LRRC31: variants seen among roughly 807,000 people sequenced by gnomAD.
LRRC31 encodes the protein leucine rich repeat containing 31.
A neutral mutation model predicts 46.7 loss-of-function variants in LRRC31; 35 were observed. That is an observed-to-expected ratio of 0.75 (90% confidence interval 0.57 to 0.99). The LOEUF is 0.99. Ranked by LOEUF, LRRC31 falls within the 50% of genes least tolerant of loss-of-function variation. The pLI is 0.00. For missense variants in LRRC31, 613 were observed against 626.1 expected, an observed-to-expected ratio of 0.98 and a Z score of 0.22; for synonymous variants, 236 against 235.1, an observed-to-expected ratio of 1.00 and a Z score of -0.03.
chr3:169,859,958 C>G (rs1471073914), intron 3 of LRRC31, among the ~76,000 whole-genome samples: 1 of 151,890 alleles, frequency 6.6e-6, no homozygotes, highest in African/African-American at 2.4e-5. Flanking sequence ...GCCTGGCCAA[C>G]ATGGTGAAAC....
At chr3:169,864,452 G>A (rs1411866553) in intron 1 of LRRC31, among the ~76,000 whole-genome samples, 1 of 152,212 alleles carries the variant, frequency 6.6e-6, no homozygotes, top group Non-Finnish European at 1.5e-5. Context: ...TCACAGGTCT[G>A]TCTGAGGAAC....
intron 5 of LRRC31, among the ~76,000 whole-genome samples, chr3:169,856,026 G>T (rs1014494188): frequency 7.9e-5 from 12 of 151,744 alleles, no homozygotes; most frequent in Non-Finnish European, 1.8e-4. Context: ...GATTACAGGC[G>T]CACGTACCAC....
At chr3:169,857,105 G>A (rs75106922) in intron 3 of LRRC31, among the ~76,000 whole-genome samples, 2,324 of 151,884 alleles carry the variant, frequency 0.015, 60 homozygotes, top group African/African-American at 0.053. Flanking sequence ...GAAGCCATGC[G>A]TATGAGCTAA....
chr3:169,860,610 G>A lies in LRRC31; in HGVS notation c.438C>T (p.Ile146=). ...QQMHLVSKLK[I]LRLGSCRLTT... Reference sequence around the variant, plus strand: ...TGAGTCTGCAGCTACCCAGCCTCAAGATTTTTAACTTGCTGACCAGATGCA... The same window carrying A: ...TGAGTCTGCAGCTACCCAGCCTCAAAATTTTTAACTTGCTGACCAGATGCA... The change falls in exon 3 of 9, where the codon ATC becomes ATT. Residue 146 remains isoleucine (I), a synonymous_variant. Transcript: ENST00000316428. 1 of 1,614,160 alleles carries A rather than the reference G, an allele frequency of 6.2e-7. No individual in the cohort carries two copies. The highest frequency in any genetic ancestry group is 8.5e-7 in the Non-Finnish European group (1 of 1,180,016).
Position 169,840,115 on chromosome 3 carries a change from A to G in LRRC31, c.1526T>C (p.Val509Ala). The change falls in exon 9 of 9, where the codon GTG becomes GCG. Residue 509 changes from valine (V) to alanine (A), a missense_variant. Coordinates refer to ENST00000316428, the MANE Select transcript of LRRC31 (RefSeq NM_024727.4). ...CTCAGTGATCTGAGGAAGCTTGGTC[A>G]CAGCATATAACAAGTGTCTAAACCA... ...GQWFRHLLYA[V>A]TKLPQITEIG... The G allele has an allele frequency of 1.2e-6, 2 of 1,614,108 alleles. No homozygotes were observed. Among genetic ancestry groups the G allele is most frequent in the Non-Finnish European group, 1.7e-6 (2 of 1,179,998 alleles).
In LRRC31 at chr3:169,862,443, T is replaced by C. The variant is rs551200213; in HGVS notation, c.176-630A>G. On this transcript the variant is annotated intron_variant, in intron 1 of 8. Transcript: ENST00000316428. ...TTAGGGACTACTGTGGCACCCTCAC[T>C]AGCTTCCTCTGTAATAACACTGTAA... Among the ~76,000 whole-genome samples the C allele has an allele frequency of 1.2e-3, 190 of 152,296 alleles. 3 individuals carry two copies. The highest frequency in any genetic ancestry group is 4.4e-3 in the African/African-American group (183 of 41,574).
intron 1 of LRRC31, among the ~76,000 whole-genome samples, chr3:169,864,683 A>G (rs1192130972): frequency 2.0e-5 from 3 of 152,244 alleles, no homozygotes; most frequent in East Asian, 1.9e-4. Flanking sequence ...ATAAATCATC[A>G]TGATAAATCT....
chr3:169,856,515 G>T lies in LRRC31; in HGVS notation c.656-12C>A. ...AGGTAGCAGTTGACCTAGAAGGAAAGAAATCCAAATAAGAAGGGTAGGTAG... is the reference window on the plus strand; with the variant it reads ...AGGTAGCAGTTGACCTAGAAGGAAATAAATCCAAATAAGAAGGGTAGGTAG... On this transcript the variant is annotated splice_polypyrimidine_tract_variant and intron_variant, in intron 4 of 8. Coordinates refer to ENST00000316428, the MANE Select transcript of LRRC31 (RefSeq NM_024727.4). 6.3e-7 allele frequency: 1 copy of T among 1,585,074 alleles called. No individual in the cohort carries two copies. Among genetic ancestry groups the T allele is most frequent in the Non-Finnish European group, 8.6e-7 (1 of 1,167,354 alleles).
intron 3 of LRRC31, among the ~76,000 whole-genome samples, chr3:169,857,415 C>CATATATATATATAT (rs1553924970): frequency 7.1e-5 from 7 of 98,688 alleles, no homozygotes; most frequent in African/African-American, 2.5e-4. Context: ...TATACATATA[C>CATATATATATATAT]ATATATATAT....
intron 8 of LRRC31, 143 bp downstream of exon 8, chr3:169,847,977 G>A (rs968252078): frequency 1.7e-5 from 12 of 702,936 alleles, no homozygotes; most frequent in African/African-American, 5.3e-5. Flanking sequence ...TAGACCTCTC[G>A]GCAGATGTTG....
chr3:169,865,956 A>G (rs1306361432), intron 1 of LRRC31, among the ~76,000 whole-genome samples: 3 of 152,146 alleles, frequency 2.0e-5, no homozygotes, highest in African/African-American at 7.2e-5. Flanking sequence ...GGGAATTATA[A>G]GTAAATCAGA....
intron 1 of LRRC31, among the ~76,000 whole-genome samples, chr3:169,864,938 G>A (rs759781398): frequency 3.3e-5 from 5 of 152,170 alleles, no homozygotes; most frequent in African/African-American, 7.2e-5. Context: ...TTTGCCAGGC[G>A]TACTGGCATG....
chr3:169,851,878 G>T, intron 6 of LRRC31, 92 bp from the exon 7 acceptor site: 1 of 1,299,974 alleles, frequency 7.7e-7, no homozygotes, highest in Non-Finnish European at 1.1e-6. Flanking sequence ...TAATCTGTCA[G>T]TCAATACAGC....
intron 6 of LRRC31, chr3:169,853,282 G>C (rs1560626776): frequency 2.5e-5 from 25 of 984,956 alleles, no homozygotes; most frequent in Non-Finnish European, 2.9e-5. Flanking sequence ...TCGGATAAAA[G>C]AATGTTCAAT....
rs368562725 is a variant in LRRC31 at position 169,860,689 on chromosome 3, T to A, written c.359A>T (p.Asp120Val). 1.2e-6 allele frequency: 2 copies of A among 1,614,098 alleles called. No homozygotes were observed. Among genetic ancestry groups the A allele is most frequent in the East Asian group, 2.2e-5 (1 of 44,882 alleles). Reference protein sequence around the residue: ...LPFLPDLEELDISWNGFVGGT... With the variant: ...LPFLPDLEELVISWNGFVGGT... ...ACCTACAAAACCATTCCAGGAGATATCCAGTTCTTCCAAGTCTGGGAGAAA... is the reference window on the plus strand; with the variant it reads ...ACCTACAAAACCATTCCAGGAGATAACCAGTTCTTCCAAGTCTGGGAGAAA... Residue 120 changes from aspartate to valine, a missense_variant, in exon 3 of 9, where the codon GAT becomes GTT. Transcript: ENST00000316428.
chr3:169,866,287 CA>C (rs1225523057), intron 1 of LRRC31, among the ~76,000 whole-genome samples: 2 of 152,044 alleles, frequency 1.3e-5, no homozygotes, highest in Non-Finnish European at 2.9e-5. Context: ...GAGGAAGAAC[CA>C]GGTGGGAGAG....
At chr3:169,865,916 TG>T (rs2108230440) in intron 1 of LRRC31, among the ~76,000 whole-genome samples, 1 of 152,144 alleles carries the variant, frequency 6.6e-6, no homozygotes, top group East Asian at 1.9e-4. Flanking sequence ...AACCACTTGC[TG>T]GGGATGGGAG....
chr3:169,857,245 T>C (rs1780979559), intron 3 of LRRC31, among the ~76,000 whole-genome samples: 1 of 146,396 alleles, frequency 6.8e-6, no homozygotes, highest in Non-Finnish European at 1.5e-5. Context: ...TGACCAGGGA[T>C]AGAAGTGAGG....
rs184771659 is a variant in LRRC31 at position 169,841,666 on chromosome 3, T to C, written c.1328-1353A>G. Among the ~76,000 whole-genome samples the C allele has an allele frequency of 5.0e-3, 756 of 152,358 alleles. 8 individuals carry two copies. Among genetic ancestry groups the C allele is most frequent in the African/African-American group, 0.016 (685 of 41,592 alleles). On this transcript the variant is annotated intron_variant, in intron 8 of 8. Coordinates refer to ENST00000316428, the MANE Select transcript of LRRC31 (RefSeq NM_024727.4). Reference sequence around the variant, plus strand: ...GAGAATAGGAGAAAGTGGACCACCATGTACCCATCATTCAACTTCAACATT... The same window carrying C: ...GAGAATAGGAGAAAGTGGACCACCACGTACCCATCATTCAACTTCAACATT...
Sources: allele counts gnomAD v4.1 joint callset (sites outside exome capture counted in the v4.1 genomes callset), GRCh38; gene constraint gnomAD v4.1.1; transcripts MANE v1.5; gene names NCBI Gene and HGNC (gene_info 2026-07-23, HGNC 2026-07-21).